CSMD3: variants seen among roughly 807,000 people sequenced by gnomAD.
CSMD3 encodes the protein CUB and sushi domain-containing protein 3.
A neutral mutation model predicts 435.2 loss-of-function variants in CSMD3; 177 were observed. The ratio of observed to expected loss-of-function variants is 0.41; its 90% confidence interval spans 0.36 to 0.46. CSMD3 has a LOEUF of 0.46. CSMD3 is among the 20% of genes least tolerant of loss of function. The probability of loss-of-function intolerance (pLI) is 0.34; values close to 1 mark genes in which losing one functional copy is unlikely to be tolerated. For missense variants in CSMD3, 4,265 were observed against 4,504.6 expected, an observed-to-expected ratio of 0.95 and a Z score of 1.52; for synonymous variants, 1,656 against 1,520.5, an observed-to-expected ratio of 1.09 and a Z score of -2.07.
intron 13 of CSMD3, among the ~76,000 whole-genome samples, chr8:112,785,022 T>C (rs1171100694): frequency 2.6e-5 from 4 of 151,880 alleles, no homozygotes; most frequent in African/African-American, 4.8e-5. Context: ...AACAAAATAC[T>C]CCCAAACCTA....
At chr8:113,316,645 G>C (rs1389355200) in intron 1 of CSMD3, among the ~76,000 whole-genome samples, 6 of 151,534 alleles carry the variant, frequency 4.0e-5, no homozygotes, top group Non-Finnish European at 8.8e-5. Context: ...CCCCTCCTGG[G>C]TTCAAGTGAT....
chr8:112,651,067 C>T (rs2075115043), intron 18 of CSMD3, among the ~76,000 whole-genome samples: 1 of 152,146 alleles, frequency 6.6e-6, no homozygotes, highest in South Asian at 2.1e-4. Context: ...TAGCATTTCT[C>T]CAATCATGAC....
intron 5 of CSMD3, among the ~76,000 whole-genome samples, chr8:113,033,569 ATT>A (rs1285513451): frequency 5.1e-4 from 54 of 106,692 alleles, no homozygotes; most frequent in Admixed American, 8.4e-4. Flanking sequence ...TTTGATTTTG[ATT>A]TTTTTTTTTT....
intron 6 of CSMD3, among the ~76,000 whole-genome samples, chr8:113,005,504 C>A (rs1206095415): frequency 2.0e-5 from 3 of 151,764 alleles, no homozygotes; most frequent in Non-Finnish European, 4.4e-5. Flanking sequence ...AATGTAACAT[C>A]AAAATATACT....
chr8:112,975,645 T>A (rs2084817487), intron 7 of CSMD3, among the ~76,000 whole-genome samples, 192 bp downstream of exon 7: 1 of 152,172 alleles, frequency 6.6e-6, no homozygotes, highest in Non-Finnish European at 1.5e-5. Context: ...GACTTATTTT[T>A]AAATTTCAAT....
chr8:113,091,818 A>G (rs902664649), intron 5 of CSMD3, among the ~76,000 whole-genome samples: 5 of 151,298 alleles, frequency 3.3e-5, no homozygotes, highest in African/African-American at 1.2e-4. Flanking sequence ...CTTTTCTATT[A>G]ATTTTGAGTT....
At position 112,550,726 on chromosome 8, in the gene CSMD3, G is replaced by C. The variant is rs1204067586; in HGVS notation, c.4509C>G (p.Ile1503Met). The part of the protein sequence containing the change: ...GIHSTLNIVT[I>M]QFDTDFYISK... The stretch of plus-strand genomic sequence containing the variant: ...TAATATAAAAATCCGTGTCAAACTG[G>C]ATGGTTACTATATTGAGGGTGCTAT... The change falls in exon 27 of 71, where the codon ATC (isoleucine) becomes ATG (methionine). Residue 1503 changes from isoleucine to methionine, a missense_variant. Physicochemically the swap from Ile to Met is conservative, Grantham distance 10. Around this residue, in one of 3 missense-constraint regions of CSMD3, gnomAD observed 3,255 missense variants for 3,380.2 expected, o/e 0.96. Transcript: ENST00000297405. The C allele has an allele frequency of 6.8e-6, 11 of 1,606,874 alleles. No individual in the cohort carries two copies. Among genetic ancestry groups the C allele is most frequent in the African/African-American group, 1.3e-5 (1 of 74,708 alleles).
At chr8:113,087,041 C>T (rs1180719404) in intron 5 of CSMD3, among the ~76,000 whole-genome samples, 5 of 152,188 alleles carry the variant, frequency 3.3e-5, no homozygotes, top group African/African-American at 1.2e-4. Flanking sequence ...CTCTCTCTCT[C>T]ACACTTCTGC....
intron 17 of CSMD3, among the ~76,000 whole-genome samples, chr8:112,658,747 C>A (rs1794017757): frequency 6.6e-6 from 1 of 152,074 alleles, no homozygotes; most frequent in African/African-American, 2.4e-5. Flanking sequence ...CACCTGAAGT[C>A]AGAAGTTTGA....
Position 113,250,492 on chromosome 8 carries a change from T to C in CSMD3, c.514+28100A>G, listed in dbSNP as rs532479153. ...ATTTTTTGTTTTATTCGTGAAATAATAGGAAATATATTGATGCTTCAATAT... is the reference window on the plus strand; with the variant it reads ...ATTTTTTGTTTTATTCGTGAAATAACAGGAAATATATTGATGCTTCAATAT... On this transcript the variant is annotated intron_variant, in intron 3 of 70. Coordinates refer to ENST00000297405, the MANE Select transcript of CSMD3 (RefSeq NM_198123.2). 2.6e-5 allele frequency among the ~76,000 whole-genome samples: 4 copies of C among 152,234 alleles called. No individual in the cohort carries two copies. In the East Asian group the frequency reaches 7.7e-4, roughly 29 times the overall value.
chr8:112,294,370 T>C, intron 54 of CSMD3, among the ~76,000 whole-genome samples: 1 of 152,140 alleles, frequency 6.6e-6, no homozygotes, highest in East Asian at 1.9e-4. Context: ...CCTATGATCC[T>C]ATTATAATTA....
chr8:112,456,208 T>G (rs1295009091), intron 32 of CSMD3, among the ~76,000 whole-genome samples: 3 of 152,144 alleles, frequency 2.0e-5, no homozygotes, highest in African/African-American at 7.2e-5. Flanking sequence ...ATATGCTTTA[T>G]AAGTAGGTAA....
chr8:112,266,167 A>G (rs28688794), intron 59 of CSMD3, among the ~76,000 whole-genome samples: 101,405 of 151,984 alleles, frequency 0.67, 35,631 homozygotes, highest in African/African-American at 0.89. Flanking sequence ...AGGGACTGTC[A>G]CTGCTCTGTT....
In CSMD3 at chr8:112,234,351, AT is replaced by A; in HGVS notation, c.10740+13del. On this transcript the variant is annotated intron_variant, in intron 68 of 70. Coordinates refer to ENST00000297405, the MANE Select transcript of CSMD3 (RefSeq NM_198123.2). The stretch of plus-strand genomic sequence containing the variant: ...ATTAAAATCAGCAGCAGATGTTAAA[AT>A]AACTATACTTACAAAGCCATCCATT... 6.6e-7 allele frequency: 1 copy of A among 1,511,124 alleles called. No individual in the cohort carries two copies. Among genetic ancestry groups the A allele is most frequent in the Non-Finnish European group, 9.2e-7 (1 of 1,087,356 alleles). The allele number at this position is 1,511,124 out of a possible 1,614,324, so 93.6% of individuals were successfully genotyped here.
chr8:113,302,048 A>T (rs537981061), intron 2 of CSMD3, among the ~76,000 whole-genome samples: 2 of 151,252 alleles, frequency 1.3e-5, no homozygotes, highest in Middle Eastern at 3.2e-3. Context: ...TGCCTGGCTT[A>T]AGTCTTCTTA....
At chr8:112,521,296 T>A (rs369592302) in intron 27 of CSMD3, among the ~76,000 whole-genome samples, 1 of 152,016 alleles carries the variant, frequency 6.6e-6, no homozygotes, top group Non-Finnish European at 1.5e-5. Flanking sequence ...TCCAGTTTTA[T>A]CGTCAGTCTT....
At chr8:113,335,096 T>G (rs759316340) in intron 1 of CSMD3, among the ~76,000 whole-genome samples, 1 of 152,084 alleles carries the variant, frequency 6.6e-6, no homozygotes, top group Admixed American at 6.6e-5. Flanking sequence ...TCAAGAGATC[T>G]GATTGTTTAA....
At chr8:112,813,954 C>T (rs2079299567) in intron 12 of CSMD3, among the ~76,000 whole-genome samples, 1 of 152,216 alleles carries the variant, frequency 6.6e-6, no homozygotes, top group Non-Finnish European at 1.5e-5. Flanking sequence ...AAGGCTTCGC[C>T]CCGTCCTCCC....
At chr8:112,624,681 T>C (rs7459526) in intron 22 of CSMD3, among the ~76,000 whole-genome samples, 83,760 of 151,892 alleles carry the variant, frequency 0.55, 23,374 homozygotes, top group African/African-American at 0.6. Context: ...GATACTTTTA[T>C]ATAAATGAAT....
Sources: gnomAD v4.1 joint callset for allele counts (sites outside exome capture counted in the v4.1 genomes callset) on GRCh38, gnomAD v4.1.1 for gene constraint, gnomAD v4.1.1 regional missense constraint, MANE v1.5 for transcripts, NCBI Gene and HGNC (gene_info 2026-07-23, HGNC 2026-07-21) for gene names.